GNS: variants seen among roughly 807,000 people sequenced by gnomAD.
GNS encodes the protein N-acetylglucosamine-6-sulfatase.
In GNS, 40 loss-of-function variants were observed where a neutral mutation model predicts 69.7. The ratio of observed to expected loss-of-function variants is 0.57; its 90% CI spans 0.45 to 0.75. The LOEUF is 0.75. Ranked by LOEUF, GNS falls within the 30% of genes least tolerant of loss-of-function variation. GNS has a pLI of 0.00. For synonymous variants in GNS, 243 were observed against 251.6 expected (o/e 0.97, Z 0.32); for missense variants, 565 against 685.5 (o/e 0.82, Z 1.96).
chr12:64,743,367 A>G, intron 5 of GNS, 59 bp from the exon 6 acceptor site: 3 of 1,222,684 alleles, frequency 2.5e-6, no homozygotes, highest in Non-Finnish European at 3.6e-6. Context: ...TATTTAATAG[A>G]TAAATGTCTT....
intron 6 of GNS, among the ~76,000 whole-genome samples, chr12:64,741,804 ATGCTGTAT>A (rs1250624398): frequency 1.3e-5 from 2 of 152,206 alleles, no homozygotes; most frequent in African/African-American, 4.8e-5. Flanking sequence ...AGTTTGAGAA[ATGCTGTAT>A]AGCATATTCT....
At chr12:64,726,760 T>C (rs555393653) in intron 10 of GNS, among the ~76,000 whole-genome samples, 1 of 152,076 alleles carries the variant, frequency 6.6e-6, no homozygotes, top group Non-Finnish European at 1.5e-5. Flanking sequence ...CCTCCCAAAT[T>C]GCTGGGATTA....
chr12:64,748,526 A>C (rs373718626), intron 2 of GNS, among the ~76,000 whole-genome samples: 68 of 152,138 alleles, frequency 4.5e-4, no homozygotes, highest in African/African-American at 1.6e-3. Context: ...ATATTTATAC[A>C]CAGGGGGCAC....
chr12:64,738,643 T>C (rs985547419), intron 8 of GNS, among the ~76,000 whole-genome samples: 1 of 152,004 alleles, frequency 6.6e-6, no homozygotes, highest in Non-Finnish European at 1.5e-5. Flanking sequence ...CAAAAACCCA[T>C]CTCTACTAAA....
At chr12:64,724,372 C>T (rs145400041) in intron 10 of GNS, among the ~76,000 whole-genome samples, 8 of 152,328 alleles carry the variant, frequency 5.3e-5, no homozygotes, top group Non-Finnish European at 7.3e-5. Flanking sequence ...AATCACTGCT[C>T]TAAAGAATGC....
chr12:64,729,920 A>G (rs1869328663), intron 9 of GNS, among the ~76,000 whole-genome samples: 1 of 152,240 alleles, frequency 6.6e-6, no homozygotes, highest in Admixed American at 6.5e-5. Context: ...AATCAATGAG[A>G]TTTAACTTTT....
intron 4 of GNS, 75 bp from the exon 5 acceptor site, chr12:64,744,982 AACTCT>A (rs1869854582): frequency 2.6e-6 from 2 of 757,634 alleles, no homozygotes; most frequent in Admixed American, 1.8e-5. Context: ...TGCTGGGCTA[AACTCT>A]ACTCTGAGCA....
rs952182706 is a variant in GNS at position 64,715,270 on chromosome 12, G to C, written c.*1471C>G. The C allele has an allele frequency of 6.6e-6, 1 of 152,198 alleles. No homozygotes were observed. Among genetic ancestry groups the C allele is most frequent in the Admixed American group, 6.5e-5 (1 of 15,270 alleles). The allele number at this position is 152,198 out of a possible 1,614,324, so 9.4% of individuals were successfully genotyped here. ...GTGGTGGCTCATGCCTGTAATCCCA[G>C]CACTCTGGGAGGCCGAGGTGGGTGG... is the stretch of plus-strand genomic sequence containing the variant. On this transcript the variant is annotated 3_prime_UTR_variant, in exon 14 of 14. Transcript: ENST00000258145.
Position 64,759,089 on chromosome 12 carries a change from C to T in GNS, c.188G>A (p.Gly63Asp). The T allele has an allele frequency of 6.4e-7, 1 of 1,559,952 alleles. No homozygotes were observed. Among genetic ancestry groups the T allele is most frequent in the Non-Finnish European group, 8.7e-7 (1 of 1,151,522 alleles). The change falls in exon 1 of 14, where the codon GGC becomes GAC. Residue 63 changes from glycine (G) to aspartate (D), a missense_variant. This residue lies in a region of GNS where 181 missense variants were observed against 174.4 expected (regional missense o/e 1.04). Transcript: ENST00000258145. ...GGGCAGAAACAGAAGAGTTACCATG[C>T]CGCCGAGCACTTCGTCCTGGTCGTC... ...LTDDQDEVLGGMTPLKKTKAL... is the reference protein window; with the variant it reads ...LTDDQDEVLGDMTPLKKTKAL...
At position 64,716,916 on chromosome 12, in the gene GNS, A is replaced by G. The variant is rs1868879322; in HGVS notation, c.1581-97T>C. 3 of 798,588 alleles carry G rather than the reference A, an allele frequency of 3.8e-6. No individual in the cohort carries two copies. The South Asian group carries it at 4.2e-5, about 11-fold the overall frequency. The allele number at this position is 798,588 out of a possible 1,614,324, so 49.5% of individuals were successfully genotyped here. Reference sequence around the variant, plus strand: ...GATAGCAGGAAGGGGTGTAAAAGAAACAAATCACCAGAAGGGACTCTAGTG... The same window carrying G: ...GATAGCAGGAAGGGGTGTAAAAGAAGCAAATCACCAGAAGGGACTCTAGTG... On this transcript the variant is annotated intron_variant, in intron 13 of 13. Coordinates refer to ENST00000258145, the MANE Select transcript of GNS (RefSeq NM_002076.4).
rs972981852 is a variant in GNS, at chr12:64,746,758, G to A, written c.459+954C>T. On this transcript the variant is annotated intron_variant, in intron 3 of 13. Transcript: ENST00000258145. ...ATGACCTTCAAATATGCAAAGTAGT[G>A]TAAGCTCTCTTTATGACCCATAGCC... is the stretch of plus-strand genomic sequence containing the variant. Among the ~76,000 whole-genome samples, 6 of 152,210 alleles carry A rather than the reference G, an allele frequency of 3.9e-5. No homozygotes were observed. The South Asian group carries it at 1.0e-3, about 26-fold the overall frequency.
At chr12:64,720,837 T>A (rs1869003127) in intron 12 of GNS, among the ~76,000 whole-genome samples, 1 of 152,230 alleles carries the variant, frequency 6.6e-6, no homozygotes, top group Non-Finnish European at 1.5e-5. Context: ...ATTTTGCCTA[T>A]AATGGCTTCA....
intron 10 of GNS, among the ~76,000 whole-genome samples, chr12:64,725,318 T>C (rs1869160776): frequency 6.6e-6 from 1 of 151,990 alleles, no homozygotes; most frequent in African/African-American, 2.4e-5. Flanking sequence ...AATGAATGAG[T>C]GTGGCTGTAT....
At chr12:64,744,970 C>T (rs1051269270) in intron 4 of GNS, 63 bp from the exon 5 acceptor site, 26 of 782,200 alleles carry the variant, frequency 3.3e-5, no homozygotes, top group East Asian at 2.5e-4. Flanking sequence ...AGTCTGAATC[C>T]GTGCTGGGCT....
At chr12:64,724,023 A>C (rs367995578) in intron 10 of GNS, among the ~76,000 whole-genome samples, 6 of 152,222 alleles carry the variant, frequency 3.9e-5, no homozygotes, top group Non-Finnish European at 5.9e-5. Flanking sequence ...TGCAGTATTC[A>C]TAACAGTCAA....
At chr12:64,724,568 C>T (rs1869133529) in intron 10 of GNS, among the ~76,000 whole-genome samples, 1 of 152,178 alleles carries the variant, frequency 6.6e-6, no homozygotes, top group South Asian at 2.1e-4. Context: ...ACTTAAAAAG[C>T]TCATGCTGGC....
At chr12:64,742,891 T>C (rs1019461624) in intron 6 of GNS, among the ~76,000 whole-genome samples, 1 of 152,202 alleles carries the variant, frequency 6.6e-6, no homozygotes, top group East Asian at 1.9e-4. Context: ...GTGATATTCC[T>C]GTAAATTGGG....
In GNS at chr12:64,744,914, A is replaced by G. The variant is rs1179720847; in HGVS notation, c.526-7T>C. The G allele has an allele frequency of 6.1e-6, 8 of 1,301,976 alleles. No individual in the cohort carries two copies. Among genetic ancestry groups the G allele is most frequent in the African/African-American group, 1.4e-5 (1 of 69,046 alleles). 80.7% of individuals were successfully genotyped at this position (1,301,976 alleles called of 1,614,324 possible). A position where few individuals can be genotyped will look rare whatever the true frequency, so the allele number is the denominator to read the frequency against. ...AATACTTAGAATTCTTTTCCTATTA[A>G]AAAGAGGAAAGTCAAATTTGTTATG... On this transcript the variant is annotated splice_polypyrimidine_tract_variant and splice_region_variant and intron_variant, in intron 4 of 13. Transcript: ENST00000258145.
At chr12:64,741,362 T>C (rs1337606340) in intron 6 of GNS, among the ~76,000 whole-genome samples, 2 of 150,576 alleles carry the variant, frequency 1.3e-5, no homozygotes, top group African/African-American at 4.9e-5. Flanking sequence ...CTCGGCTCAC[T>C]GCAACCTGTG....
Sources: gnomAD v4.1 joint callset for allele counts (sites outside exome capture counted in the v4.1 genomes callset) on GRCh38, gnomAD v4.1.1 for gene constraint, gnomAD v4.1.1 regional missense constraint, MANE v1.5 for transcripts, NCBI Gene and HGNC (gene_info 2026-07-23, HGNC 2026-07-21) for gene names.